Variants in ANK1 observed in about 807,000 individuals in gnomAD.
The protein encoded by ANK1 is ankyrin-1.
In ANK1, 51 loss-of-function variants were observed where a neutral mutation model predicts 210.4. The ratio of observed to expected loss-of-function variants is 0.24; its 90% CI spans 0.19 to 0.31. The LOEUF (loss-of-function observed/expected upper bound fraction) is 0.31, where lower values mean the gene tolerates loss of function less well. Ranked by LOEUF, ANK1 falls within the 10% of genes least tolerant of loss-of-function variation. The pLI, the probability that ANK1 is intolerant of heterozygous loss-of-function variation, is 1.00. For synonymous variants in ANK1, 967 were observed against 1,025.9 expected (o/e 0.94, Z 1.10); for missense variants, 2,051 against 2,504.4 (o/e 0.82, Z 3.86).
At chr8:41,670,728 G>T (rs914956088) in intron 38 of ANK1, among the ~76,000 whole-genome samples, 1 of 152,324 alleles carries the variant, frequency 6.6e-6, no homozygotes, top group South Asian at 2.1e-4. Flanking sequence ...GGTCACACAG[G>T]TGGGACTGAG....
chr8:41,706,272 A>G, intron 17 of ANK1, 31 bp from the exon 18 acceptor site: 1 of 1,595,208 alleles, frequency 6.3e-7, no homozygotes, highest in South Asian at 1.1e-5. Flanking sequence ...ATCACCTTCT[A>G]TCAAGTAAAG....
At chr8:41,866,970 C>A (rs770668497) in intron 1 of ANK1, among the ~76,000 whole-genome samples, 5 of 152,172 alleles carry the variant, frequency 3.3e-5, no homozygotes, top group Non-Finnish European at 7.3e-5. Context: ...TGGATATATA[C>A]CCAGAAATGG....
intron 1 of ANK1, among the ~76,000 whole-genome samples, chr8:41,869,399 GA>G (rs1815063128): frequency 6.6e-6 from 1 of 152,150 alleles, no homozygotes; most frequent in Non-Finnish European, 1.5e-5. Flanking sequence ...GCACAACCCA[GA>G]GGCTGCATTT....
In ANK1 at chr8:41,739,509, G is replaced by GTTTTTTTCTTTCTTT. The variant is rs1382536482; in HGVS notation, c.130-5455_130-5441dup. ...CTTTGTCTCTCGACAATAGTTCATT[G>GTTTTTTTCTTTCTTT]TTTTTTTCTTTCTTTTTTTTTTTTT... On this transcript the variant is annotated intron_variant, in intron 2 of 42. Transcript: ENST00000289734. 3.2e-4 allele frequency among the ~76,000 whole-genome samples: 39 copies of GTTTTTTTCTTTCTTT among 120,358 alleles called. 1 individual carries two copies. The highest frequency in any genetic ancestry group is 5.1e-4 in the Non-Finnish European group (30 of 58,574). The allele number at this position is 120,358 out of a possible 152,430, so 79.0% of individuals were successfully genotyped here.
chr8:41,864,149 C>A (rs1587494043), intron 1 of ANK1, among the ~76,000 whole-genome samples: 1 of 150,492 alleles, frequency 6.6e-6, no homozygotes, highest in Non-Finnish European at 1.5e-5. Context: ...ACTCAGGAGG[C>A]TGAGGCAGAA....
Position 41,873,830 on chromosome 8 carries a change from G to A in ANK1, c.126+22525C>T, listed in dbSNP as rs568055495. On this transcript the variant is annotated intron_variant, in intron 1 of 42. Transcript: ENST00000265709. ...CTGAGCACCTTGTGCCTTTGTTGGG[G>A]AAACCTGGTCACCAGCATGACTGCC... is the stretch of plus-strand genomic sequence containing the variant. 8.5e-5 allele frequency among the ~76,000 whole-genome samples: 13 copies of A among 152,320 alleles called. No homozygotes were observed. In the East Asian group the frequency reaches 2.5e-3, roughly 29 times the overall value.
At chr8:41,806,630 G>A (rs2150780749) in intron 1 of ANK1, among the ~76,000 whole-genome samples, 1 of 152,316 alleles carries the variant, frequency 6.6e-6, no homozygotes, top group African/African-American at 2.4e-5. Flanking sequence ...GCTCGAGCCT[G>A]GGAGTTAGAG....
In ANK1 at chr8:41,722,920, TAA is replaced by T. The variant is rs370673597; in HGVS notation, c.909+203_909+204del. Among the ~76,000 whole-genome samples, 12 of 152,290 alleles carry T rather than the reference TAA, an allele frequency of 7.9e-5. No homozygotes were observed. In the South Asian group the frequency reaches 2.5e-3, roughly 32 times the overall value. On this transcript the variant is annotated intron_variant, in intron 9 of 42. Coordinates refer to ENST00000289734, the MANE Select transcript of ANK1 (RefSeq NM_000037.4). ...ATTGTCTCATACCTGGTCCTTTAGA[TAA>T]AAAGTTTGCCGACCCTGATCTAGTT...
intron 1 of ANK1, among the ~76,000 whole-genome samples, chr8:41,888,055 G>A (rs977062101): frequency 1.3e-5 from 2 of 152,356 alleles, no homozygotes; most frequent in South Asian, 4.1e-4. Context: ...GGGCCTAGCT[G>A]GAGGGCACAG....
At chr8:41,895,812 G>C (rs185291388) in intron 1 of ANK1, among the ~76,000 whole-genome samples, 1 of 152,190 alleles carries the variant, frequency 6.6e-6, no homozygotes, top group African/African-American at 2.4e-5. Flanking sequence ...GGTCAAGGAA[G>C]GGCAGGAGCC....
At chr8:41,735,766 G>A (rs1013277965) in intron 2 of ANK1, among the ~76,000 whole-genome samples, 1 of 152,214 alleles carries the variant, frequency 6.6e-6, no homozygotes, top group East Asian at 1.9e-4. Flanking sequence ...CCAAAGTCAT[G>A]ATAGGAGAAT....
chr8:41,679,858 C>A (rs973972891), intron 37 of ANK1, among the ~76,000 whole-genome samples: 1 of 152,034 alleles, frequency 6.6e-6, no homozygotes, highest in Non-Finnish European at 1.5e-5. Flanking sequence ...GCCACCGCGC[C>A]CGGCCTTCCT....
Position 41,832,829 on chromosome 8 carries a change from G to A in ANK1, c.126+63526C>T, listed in dbSNP as rs75400889. ...TTTATTTGCTAAATCTGGCAACTCT[G>A]TCCCCACCCACAGGGGCATGCCTAT... On this transcript the variant is annotated intron_variant, in intron 1 of 42. Coordinates refer to the ANK1 transcript ENST00000265709. Among the ~76,000 whole-genome samples the A allele has an allele frequency of 8.3e-3, 1,264 of 152,332 alleles. 14 individuals are homozygous for A. Among genetic ancestry groups the A allele is most frequent in the Non-Finnish European group, 0.013 (859 of 68,020 alleles).
chr8:41,840,667 G>A (rs1808721190), intron 1 of ANK1, among the ~76,000 whole-genome samples: 1 of 152,148 alleles, frequency 6.6e-6, no homozygotes, highest in African/African-American at 2.4e-5. Context: ...CCCATCACGG[G>A]AGCTCTACCC....
chr8:41,826,681 C>G (rs1248509390), intron 1 of ANK1, among the ~76,000 whole-genome samples: 7 of 152,214 alleles, frequency 4.6e-5, no homozygotes, highest in African/African-American at 1.7e-4. Flanking sequence ...CTATCACATC[C>G]TAAACATGAT....
chr8:41,728,001 C>A lies in ANK1; in HGVS notation c.234G>T (p.Gly78=). ...EIILETTTKK[G]NTALHIAALA... ...GAGCAGCGATGTGCAGGGCCGTGTT[C>A]CCCTTCTGAAACACATGGGGGAAGG... Residue 78 remains glycine, a synonymous_variant, in exon 4 of 43, where the codon GGG becomes GGT. Transcript: ENST00000289734. 1 of 1,614,054 alleles carries A rather than the reference C, an allele frequency of 6.2e-7. No homozygotes were observed.
intron 1 of ANK1, among the ~76,000 whole-genome samples, chr8:41,842,898 G>A (rs1809251154): frequency 6.6e-6 from 1 of 152,160 alleles, no homozygotes; most frequent in East Asian, 1.9e-4. Flanking sequence ...CCAGGCTGGA[G>A]TACAGTGGCA....
chr8:41,717,140 C>T (rs1433005268), intron 12 of ANK1, 89 bp from the exon 13 acceptor site: 15 of 1,450,188 alleles, frequency 1.0e-5, no homozygotes, highest in Non-Finnish European at 1.3e-5. Context: ...TCTGGAGTGG[C>T]TTGGTGGGTT....
chr8:41,662,447 T>C (rs900460594), intron 40 of ANK1, among the ~76,000 whole-genome samples: 1 of 152,224 alleles, frequency 6.6e-6, no homozygotes, highest in Non-Finnish European at 1.5e-5. Flanking sequence ...GAAGGGGCCT[T>C]GGCAGTGTCA....
Sources: gnomAD v4.1 joint callset for allele counts (sites outside exome capture counted in the v4.1 genomes callset) on GRCh38, gnomAD v4.1.1 for gene constraint, MANE v1.5 for transcripts, NCBI Gene and HGNC (gene_info 2026-07-23, HGNC 2026-07-21) for gene names.